The following RGS6 variants were observed in gnomAD, a reference collection of about 807,000 sequenced individuals.
RGS6 encodes the protein regulator of G-protein signaling 6.
RGS6 carries 30 observed loss-of-function variants against 78.5 expected under a neutral mutation model. The ratio of observed to expected loss-of-function variants is 0.38; its 90% CI spans 0.29 to 0.52. The LOEUF is 0.52. Ranked by LOEUF, RGS6 falls within the 20% of genes least tolerant of loss-of-function variation. The pLI is 0.85. For synonymous variants in RGS6, 206 were observed against 206.0 expected, an observed-to-expected ratio of 1.00 and a Z score of 0.00; for missense variants, 495 against 609.7, an observed-to-expected ratio of 0.81 and a Z score of 1.98.
intron 2 of RGS6, among the ~76,000 whole-genome samples, chr14:72,286,643 C>T (rs2062611019): frequency 6.6e-6 from 1 of 152,108 alleles, no homozygotes. Flanking sequence ...TCCACAAACA[C>T]AGGGTATCTT....
rs201214148 is a variant in RGS6, at chr14:72,289,665, A to G, written c.85-62430A>G. ...CTGCCCGATACCTCTCTGCTATCAAATGTCAAAGGTGAAATTCAGCCCAGG... is the reference window on the plus strand; with the variant it reads ...CTGCCCGATACCTCTCTGCTATCAAGTGTCAAAGGTGAAATTCAGCCCAGG... On this transcript the variant is annotated intron_variant, in intron 2 of 17. Transcript: ENST00000553525. 5.9e-5 allele frequency among the ~76,000 whole-genome samples: 9 copies of G among 152,278 alleles called. No individual in the cohort carries two copies. In the East Asian group the frequency reaches 1.4e-3, roughly 23 times the overall value.
chr14:72,147,815 T>G (rs2096625905), intron 2 of RGS6, among the ~76,000 whole-genome samples: 1 of 152,162 alleles, frequency 6.6e-6, no homozygotes, highest in South Asian at 2.1e-4. Context: ...CACCAGGCTA[T>G]GCAGGACCTT....
chr14:72,585,539 A>G, the RGS6 span, among the ~76,000 whole-genome samples: 51,752 of 152,090 alleles, frequency 0.34, 9,985 homozygotes, highest in East Asian at 0.75. Flanking sequence ...TGGCCCTTCA[A>G]AGTTGTCTTG....
chr14:72,022,072 A>T (rs2153275518), intron 2 of RGS6, among the ~76,000 whole-genome samples: 1 of 152,284 alleles, frequency 6.6e-6, no homozygotes, highest in South Asian at 2.1e-4. Context: ...AATAGCCTCC[A>T]GCTCCATCCA....
chr14:72,155,580 G>C (rs570722023), intron 2 of RGS6, among the ~76,000 whole-genome samples: 1 of 152,290 alleles, frequency 6.6e-6, no homozygotes, highest in East Asian at 1.9e-4. Flanking sequence ...CTGTAGTGGA[G>C]GTTTACTTTG....
At chr14:72,145,325 A>G (rs2096593587) in intron 2 of RGS6, among the ~76,000 whole-genome samples, 1 of 152,196 alleles carries the variant, frequency 6.6e-6, no homozygotes, top group Non-Finnish European at 1.5e-5. Flanking sequence ...AAGGGCTGCT[A>G]GCAATTTTGC....
intron 2 of RGS6, among the ~76,000 whole-genome samples, chr14:72,311,995 C>T (rs1475151141): frequency 2.0e-5 from 3 of 152,104 alleles, no homozygotes; most frequent in Admixed American, 2.0e-4. Context: ...AAAACTCCAG[C>T]CTTAGGATTT....
At chr14:72,379,748 C>A (rs750907620) in intron 3 of RGS6, among the ~76,000 whole-genome samples, 106 of 152,026 alleles carry the variant, frequency 7.0e-4, no homozygotes, top group Non-Finnish European at 1.3e-3. Context: ...CCATACTACC[C>A]AAAACAAACT....
Position 72,474,715 on chromosome 14 carries a change from T to C in RGS6, c.693+16T>C. ...GGTTAAAAAGGTTCGCTAGTTTAGC[T>C]GAGTTAAAAATTCCTGATGTGAATA... On this transcript the variant is annotated intron_variant, in intron 10 of 17. Transcript: ENST00000553525. 1 of 1,608,180 alleles carries C rather than the reference T, an allele frequency of 6.2e-7. No homozygotes were observed. The highest frequency in any genetic ancestry group is 8.5e-7 in the Non-Finnish European group (1 of 1,177,554).
intron 1 of RGS6, among the ~76,000 whole-genome samples, chr14:71,957,728 AT>A (rs1239286068): frequency 6.6e-6 from 1 of 152,016 alleles, no homozygotes; most frequent in Non-Finnish European, 1.5e-5. Flanking sequence ...TCCTAGCTTA[AT>A]TTTTAGAAAC....
intron 2 of RGS6, among the ~76,000 whole-genome samples, chr14:72,331,733 G>A (rs1217005174): frequency 6.6e-6 from 1 of 152,032 alleles, no homozygotes; most frequent in Non-Finnish European, 1.5e-5. Flanking sequence ...CTGGCCTTGG[G>A]CACCCTTCTT....
At position 72,476,723 on chromosome 14, in the gene RGS6, T is replaced by C; in HGVS notation, c.694-19T>C. On this transcript the variant is annotated intron_variant, in intron 10 of 17. Coordinates refer to ENST00000553525, the MANE Select transcript of RGS6 (RefSeq NM_001204424.2). ...AATTCTGTGGGTGGATGATCCTCTG[T>C]GCTTGCTTCTTCTCCTAGTCCGTGT... 6.2e-7 allele frequency: 1 copy of C among 1,611,938 alleles called. No individual in the cohort carries two copies. Among genetic ancestry groups the C allele is most frequent in the Non-Finnish European group, 8.5e-7 (1 of 1,178,178 alleles).
At chr14:72,525,504 C>T (rs2097106030) in intron 15 of RGS6, among the ~76,000 whole-genome samples, 2 of 152,146 alleles carry the variant, frequency 1.3e-5, no homozygotes, top group African/African-American at 4.8e-5. Context: ...AGTCCACATC[C>T]GCCATGAGCA....
At chr14:72,174,371 TAC>T (rs762168596) in intron 2 of RGS6, among the ~76,000 whole-genome samples, 134 of 152,292 alleles carry the variant, frequency 8.8e-4, no homozygotes, top group Admixed American at 1.5e-3. Context: ...GTGCTGGGAT[TAC>T]AGTTATGAGC....
chr14:72,453,126 G>T lies in RGS6; in HGVS notation c.185-1402G>T, dbSNP rs148696527. On this transcript the variant is annotated intron_variant, in intron 3 of 17. Coordinates refer to ENST00000553525, the MANE Select transcript of RGS6 (RefSeq NM_001204424.2). ...TCTATCATCAAATGGCAAAACTGAG[G>T]CCAAAGGGAGGAAGTCAGAGAGGGG... 3.3e-4 allele frequency among the ~76,000 whole-genome samples: 51 copies of T among 152,290 alleles called. No homozygotes were observed. The East Asian group carries it at 9.5e-3, about 28-fold the overall frequency.
chr14:72,474,875 A>G (rs1301516075), intron 10 of RGS6, among the ~76,000 whole-genome samples, 176 bp downstream of exon 10: 1 of 152,242 alleles, frequency 6.6e-6, no homozygotes, highest in Non-Finnish European at 1.5e-5. Context: ...TGCTCGTGCT[A>G]GGATACAGTG....
intron 1 of RGS6, among the ~76,000 whole-genome samples, chr14:71,958,080 G>A (rs910665365): frequency 2.6e-5 from 4 of 152,104 alleles, no homozygotes; most frequent in Non-Finnish European, 4.4e-5. Flanking sequence ...AGGCAGCTGT[G>A]ATAGTGTAGA....
chr14:71,894,567 T>C, the RGS6 span, among the ~76,000 whole-genome samples: 1 of 152,162 alleles, frequency 6.6e-6, no homozygotes, highest in African/African-American at 2.4e-5. Context: ...TGCTTTGCAC[T>C]AAGGACTCGC....
At chr14:72,147,857 T>C (rs757059984) in intron 2 of RGS6, among the ~76,000 whole-genome samples, 17 of 152,024 alleles carry the variant, frequency 1.1e-4, no homozygotes, top group African/African-American at 1.7e-4. Flanking sequence ...GAAGTCTGGG[T>C]GCAGTGGCTC....
Sources: allele counts gnomAD v4.1 joint callset (sites outside exome capture counted in the v4.1 genomes callset), GRCh38; gene constraint gnomAD v4.1.1; transcripts MANE v1.5; gene names NCBI Gene and HGNC (gene_info 2026-07-23, HGNC 2026-07-21).